GPC6: variants seen among roughly 807,000 people sequenced by gnomAD.
The protein encoded by GPC6 is glypican-6.
GPC6 carries 14 observed loss-of-function variants against 55.2 expected under a neutral mutation model. The observed-to-expected ratio is 0.25, with a 90% CI of 0.17 to 0.40. The LOEUF (loss-of-function observed/expected upper bound fraction) is 0.40. Among genes scored for constraint, GPC6 ranks in the 10% least tolerant of loss-of-function variants. The pLI, the probability that GPC6 is intolerant of heterozygous loss-of-function variation, is 1.00. For missense variants in GPC6, 641 were observed against 708.5 expected, an observed-to-expected ratio of 0.90 and a Z score of 1.08; for synonymous variants, 278 against 259.6, an observed-to-expected ratio of 1.07 and a Z score of -0.68.
chr13:93,368,534 T>G (rs1881342784), intron 1 of GPC6, among the ~76,000 whole-genome samples: 1 of 151,982 alleles, frequency 6.6e-6, no homozygotes, highest in East Asian at 1.9e-4. Context: ...GACATGGATT[T>G]CATTTATATG....
At chr13:93,928,477 A>C (rs1488063488) in intron 3 of GPC6, among the ~76,000 whole-genome samples, 1 of 152,178 alleles carries the variant, frequency 6.6e-6, no homozygotes, top group Non-Finnish European at 1.5e-5. Context: ...CAGTAGGGTG[A>C]AACTTTATGT....
At chr13:93,531,289 A>AT (rs1164909797) in intron 1 of GPC6, among the ~76,000 whole-genome samples, 1 of 151,158 alleles carries the variant, frequency 6.6e-6, no homozygotes, top group Non-Finnish European at 1.5e-5. Flanking sequence ...ATGATATATA[A>AT]TATATATGAT....
chr13:94,299,898 G>T (rs902230102), intron 5 of GPC6, among the ~76,000 whole-genome samples: 1 of 151,988 alleles, frequency 6.6e-6, no homozygotes, highest in Non-Finnish European at 1.5e-5. Context: ...GAGTATAAAT[G>T]GAATATATTT....
At chr13:93,453,362 A>G (rs539956598) in intron 1 of GPC6, among the ~76,000 whole-genome samples, 121 of 152,168 alleles carry the variant, frequency 8.0e-4, no homozygotes, top group African/African-American at 2.8e-3. Flanking sequence ...AAATTAGAAC[A>G]TTGAGTGAGA....
At chr13:93,735,713 T>C (rs949862020) in intron 2 of GPC6, among the ~76,000 whole-genome samples, 1 of 152,140 alleles carries the variant, frequency 6.6e-6, no homozygotes, top group Non-Finnish European at 1.5e-5. Flanking sequence ...AAAATAATAA[T>C]CACTACCTGT....
At chr13:93,231,381 ATATATATATATATAT>A (rs1566533505) in intron 1 of GPC6, among the ~76,000 whole-genome samples, 1 of 17,748 alleles carries the variant, frequency 5.6e-5, no homozygotes, top group African/African-American at 2.1e-4. Context: ...ATATATATAC[ATATATATATATATAT>A]GTATATATAT....
chr13:93,877,936 CAG>C (rs1874694711), intron 3 of GPC6, among the ~76,000 whole-genome samples: 1 of 151,932 alleles, frequency 6.6e-6, no homozygotes, highest in South Asian at 2.1e-4. Context: ...ATAGAAAAGT[CAG>C]AGGGTGGAGC....
Position 93,697,994 on chromosome 13 carries a change from TAAA to T in GPC6, c.320-132158_320-132156del, listed in dbSNP as rs1298245482. On this transcript the variant is annotated intron_variant, in intron 2 of 8. Transcript: ENST00000377047. ...TGAGTGTGGCCTTCAACCATATCTC[TAAA>T]ATAATCTGATTCCTAATTGTATTAC... Among the ~76,000 whole-genome samples the T allele has an allele frequency of 2.0e-5, 3 of 152,202 alleles. No individual in the cohort carries two copies. The East Asian group carries it at 5.8e-4, about 29-fold the overall frequency.
At chr13:93,365,159 C>T (rs917273567) in intron 1 of GPC6, among the ~76,000 whole-genome samples, 1 of 152,092 alleles carries the variant, frequency 6.6e-6, no homozygotes, top group African/African-American at 2.4e-5. Flanking sequence ...TGATGCGTTC[C>T]CACAGTAAAC....
chr13:93,232,935 C>T (rs1876110275), intron 1 of GPC6, among the ~76,000 whole-genome samples: 1 of 152,048 alleles, frequency 6.6e-6, no homozygotes, highest in African/African-American at 2.4e-5. Context: ...ATAAGAACAA[C>T]CTTTACCCCC....
At chr13:93,876,787 A>T (rs1874616904) in intron 3 of GPC6, among the ~76,000 whole-genome samples, 1 of 151,998 alleles carries the variant, frequency 6.6e-6, no homozygotes, top group South Asian at 2.1e-4. Flanking sequence ...AAATCTAGCA[A>T]CCATTTTGCT....
At chr13:94,009,102 A>G (rs1882138163) in intron 3 of GPC6, among the ~76,000 whole-genome samples, 1 of 152,184 alleles carries the variant, frequency 6.6e-6, no homozygotes, top group Non-Finnish European at 1.5e-5. Flanking sequence ...TTTTTTGATA[A>G]TTAAAGCTTA....
intron 1 of GPC6, among the ~76,000 whole-genome samples, chr13:93,298,939 G>A (rs9524003): frequency 0.63 from 94,541 of 150,544 alleles, 30,254 homozygotes; most frequent in East Asian, 0.77. Flanking sequence ...GGTGTCTCAT[G>A]TAATAGTTAT....
chr13:93,348,690 A>G (rs2139160876), intron 1 of GPC6, among the ~76,000 whole-genome samples: 1 of 152,332 alleles, frequency 6.6e-6, no homozygotes, highest in East Asian at 1.9e-4. Context: ...TCTTTTAGTG[A>G]TGCTTTTGAT....
At chr13:93,249,644 T>C (rs1215418572) in intron 1 of GPC6, among the ~76,000 whole-genome samples, 1 of 152,222 alleles carries the variant, frequency 6.6e-6, no homozygotes, top group Non-Finnish European at 1.5e-5. Flanking sequence ...TCTTTTGATT[T>C]CACTTTGGTC....
intron 2 of GPC6, among the ~76,000 whole-genome samples, chr13:93,601,935 A>G (rs1176188359): frequency 6.6e-6 from 1 of 152,154 alleles, no homozygotes; most frequent in Non-Finnish European, 1.5e-5. Context: ...CTCTTTGCCT[A>G]ATCTTTTTCT....
At chr13:94,221,020 T>C (rs1378888956) in intron 4 of GPC6, among the ~76,000 whole-genome samples, 1 of 152,140 alleles carries the variant, frequency 6.6e-6, no homozygotes. Flanking sequence ...CAAAGTTTTG[T>C]GTTGTACAGG....
intron 4 of GPC6, among the ~76,000 whole-genome samples, chr13:94,029,055 C>T (rs1193299784): frequency 3.9e-5 from 6 of 152,152 alleles, no homozygotes; most frequent in Non-Finnish European, 7.3e-5. Context: ...AACCTCTAAA[C>T]GAGCATGCAC....
chr13:94,206,439 A>G (rs544016210), intron 4 of GPC6, among the ~76,000 whole-genome samples: 4 of 152,270 alleles, frequency 2.6e-5, no homozygotes, highest in Non-Finnish European at 5.9e-5. Flanking sequence ...TTTTCTATTA[A>G]GATTAGCATA....
Sources: gnomAD v4.1 joint callset for allele counts (sites outside exome capture counted in the v4.1 genomes callset) on GRCh38, gnomAD v4.1.1 for gene constraint, MANE v1.5 for transcripts, NCBI Gene and HGNC (gene_info 2026-07-23, HGNC 2026-07-21) for gene names.